Variants in ASAP1 observed in about 807,000 individuals in gnomAD.
ASAP1 encodes the protein ArfGAP with SH3 domain, ankyrin repeat and PH domain 1.
ASAP1 carries 43 observed loss-of-function variants against 145.2 expected under a neutral mutation model. The ratio of observed to expected loss-of-function variants is 0.30; its 90% CI spans 0.23 to 0.38. ASAP1 has a LOEUF of 0.38. Ranked by LOEUF, ASAP1 falls within the 10% of genes least tolerant of loss-of-function variation. The pLI, the probability that ASAP1 is intolerant of heterozygous loss-of-function variation, is 1.00. For synonymous variants in ASAP1, 546 were observed against 515.5 expected (o/e 1.06, Z -0.80); for missense variants, 1,018 against 1,355.3 (o/e 0.75, Z 3.91).
intron 23 of ASAP1, 160 bp downstream of exon 23, chr8:130,115,468 T>C (rs117453441): frequency 0.017 from 10,983 of 630,818 alleles, 142 homozygotes; most frequent in Middle Eastern, 0.024. Flanking sequence ...TTAATATAGC[T>C]GTTAAATGGT....
At chr8:130,270,088 T>G (rs1227289628) in intron 3 of ASAP1, among the ~76,000 whole-genome samples, 1 of 152,180 alleles carries the variant, frequency 6.6e-6, no homozygotes, top group African/African-American at 2.4e-5. Flanking sequence ...AAGAATCGCT[T>G]GAACTTGGGA....
At chr8:130,397,394 G>A (rs1167632723) in intron 2 of ASAP1, among the ~76,000 whole-genome samples, 3 of 152,148 alleles carry the variant, frequency 2.0e-5, no homozygotes, top group Non-Finnish European at 2.9e-5. Context: ...GCCAGCCTTC[G>A]CCTCCCAAAG....
At chr8:130,212,062 T>C (rs1019613268) in intron 5 of ASAP1, among the ~76,000 whole-genome samples, 1 of 152,204 alleles carries the variant, frequency 6.6e-6, no homozygotes, top group African/African-American at 2.4e-5. Context: ...ATCCAAGGTG[T>C]GGCCCTATCA....
intron 2 of ASAP1, among the ~76,000 whole-genome samples, chr8:130,365,346 C>T (rs1264947834): frequency 6.6e-6 from 1 of 152,182 alleles, no homozygotes; most frequent in Non-Finnish European, 1.5e-5. Flanking sequence ...CCCTTGTGGG[C>T]CCCCATAAAT....
chr8:130,099,208 T>C (rs1193733857), intron 24 of ASAP1, among the ~76,000 whole-genome samples: 1 of 151,268 alleles, frequency 6.6e-6, no homozygotes, highest in South Asian at 2.1e-4. Flanking sequence ...GGACTGAGTC[T>C]CGCTCTGTTG....
At chr8:130,076,255 G>T in intron 27 of ASAP1, 93 bp downstream of exon 27, 1 of 816,946 alleles carries the variant, frequency 1.2e-6, no homozygotes, top group Non-Finnish European at 2.0e-6. Flanking sequence ...CATTTGGGAT[G>T]GATCAATGAA....
At chr8:130,373,105 TACATATACACACAC>T (rs770700582) in intron 2 of ASAP1, among the ~76,000 whole-genome samples, 1 of 18,458 alleles carries the variant, frequency 5.4e-5, no homozygotes, top group Non-Finnish European at 9.7e-5. Context: ...CACACAGAAA[TACATATACACACAC>T]ACACACACAC....
At chr8:130,220,423 T>C (rs1817219833) in intron 4 of ASAP1, among the ~76,000 whole-genome samples, 1 of 152,234 alleles carries the variant, frequency 6.6e-6, no homozygotes, top group Non-Finnish European at 1.5e-5. Context: ...CCTCACTGTG[T>C]AGATATAAAC....
Position 130,060,905 on chromosome 8 carries a change from G to A in ASAP1, c.2866C>T (p.Pro956Ser). Residue 956 changes from proline (P) to serine (S), a missense_variant, in exon 28 of 30, where the codon CCG becomes TCG. By Grantham distance (74) the Pro-to-Ser change is moderately conservative. Transcript: ENST00000518721. The stretch of plus-strand genomic sequence containing the variant: ...GGGGGCAGTTCTCCTGGCTTAGGCG[G>A]CAAATCTCCAATTTGGGGCTTGGGG... The part of the protein sequence containing the change: ...LAPKPQIGDL[P>S]PKPGELPPKP... The A allele has an allele frequency of 6.2e-7, 1 of 1,612,298 alleles. No individual in the cohort carries two copies.
rs1293953499 is a variant in ASAP1 at position 130,358,767 on chromosome 8, G to A, written c.60-624C>T. ...CCCCCGCCCCGCCCCGCCCCCGCTCGCGCACAGCCCCTGGGGCCTGGCTCC... is the reference window on the plus strand; with the variant it reads ...CCCCCGCCCCGCCCCGCCCCCGCTCACGCACAGCCCCTGGGGCCTGGCTCC... On this transcript the variant is annotated intron_variant, in intron 2 of 29. Transcript: ENST00000518721. This position sits in a 1 kb window ranked among gnomAD's most constrained non-coding sequence, Gnocchi z 4.1. Among the ~76,000 whole-genome samples, 4 of 117,788 alleles carry A rather than the reference G, an allele frequency of 3.4e-5. No individual in the cohort carries two copies. In the East Asian group the frequency reaches 7.5e-4, roughly 22 times the overall value. The allele number at this position is 117,788 out of a possible 152,430, so 77.3% of individuals were successfully genotyped here.
chr8:130,418,762 C>CA (rs932289384), intron 1 of ASAP1, among the ~76,000 whole-genome samples: 8 of 100,262 alleles, frequency 8.0e-5, no homozygotes, highest in African/African-American at 2.1e-4. Flanking sequence ...CAATAGGTGC[C>CA]AAAAAAAATA....
chr8:130,336,454 T>C (rs879521097), intron 3 of ASAP1, among the ~76,000 whole-genome samples: 11 of 152,348 alleles, frequency 7.2e-5, no homozygotes, highest in Middle Eastern at 3.4e-3. Context: ...TGTATGCACA[T>C]TGAAGTTTGA....
intron 11 of ASAP1, among the ~76,000 whole-genome samples, chr8:130,165,977 A>G (rs895921199): frequency 5.3e-5 from 8 of 152,162 alleles, no homozygotes; most frequent in Non-Finnish European, 1.0e-4. Flanking sequence ...GACTATAAAA[A>G]TGCTGTATTT....
At chr8:130,351,077 G>A (rs1489836588) in intron 3 of ASAP1, among the ~76,000 whole-genome samples, 1 of 152,200 alleles carries the variant, frequency 6.6e-6, no homozygotes, top group East Asian at 1.9e-4. Context: ...GAAGAACAGA[G>A]AAAAGCAACT....
intron 1 of ASAP1, among the ~76,000 whole-genome samples, chr8:130,419,909 G>C (rs554464403): frequency 6.6e-6 from 1 of 150,580 alleles, no homozygotes; most frequent in South Asian, 2.1e-4. Flanking sequence ...TTGGGGCTTT[G>C]CTATCCCTGG....
intron 2 of ASAP1, among the ~76,000 whole-genome samples, chr8:130,376,788 A>G (rs1035515255): frequency 4.6e-5 from 7 of 151,740 alleles, no homozygotes; most frequent in Non-Finnish European, 8.8e-5. Context: ...TTGTAATCCC[A>G]CATACTTGGG....
In ASAP1 at chr8:130,328,480, T is replaced by C. The variant is rs145384721; in HGVS notation, c.186+29537A>G. ...GTAAGTTCTGATCATCTGCCCCCTG[T>C]GGTAGGCCCTCCACACAAACACAAC... On this transcript the variant is annotated intron_variant, in intron 3 of 29. Coordinates refer to ENST00000518721, the MANE Select transcript of ASAP1 (RefSeq NM_018482.4). 1.8e-3 allele frequency among the ~76,000 whole-genome samples: 268 copies of C among 152,310 alleles called. 1 individual carries two copies. The highest frequency in any genetic ancestry group is 0.01 in the Middle Eastern group (3 of 294).
At chr8:130,329,190 T>C (rs1417995370) in intron 3 of ASAP1, among the ~76,000 whole-genome samples, 1 of 152,182 alleles carries the variant, frequency 6.6e-6, no homozygotes, top group Admixed American at 6.5e-5. Flanking sequence ...GCCTCATCTC[T>C]GAGTGACACA....
At chr8:130,193,279 G>A (rs956334220) in intron 5 of ASAP1, among the ~76,000 whole-genome samples, 5 of 151,994 alleles carry the variant, frequency 3.3e-5, no homozygotes, top group Admixed American at 3.3e-4. Flanking sequence ...TGAGACAGGA[G>A]AATCGCCTGA....
Sources: allele counts gnomAD v4.1 joint callset (sites outside exome capture counted in the v4.1 genomes callset), GRCh38; gene constraint gnomAD v4.1.1; non-coding constraint Gnocchi (gnomAD v3.1); transcripts MANE v1.5; gene names NCBI Gene and HGNC (gene_info 2026-07-23, HGNC 2026-07-21).